Variants in LAPTM4B observed in about 807,000 individuals in gnomAD.
LAPTM4B encodes lysosomal protein transmembrane 4 beta.
LAPTM4B carries 26 observed loss-of-function variants against 28.5 expected under a neutral mutation model. The ratio of observed to expected loss-of-function variants is 0.91; its 90% CI spans 0.67 to 1.27. LAPTM4B has a LOEUF of 1.27. Ranked by LOEUF, LAPTM4B falls within the 50% of genes most tolerant of loss-of-function variation. The pLI is 0.00. For missense variants in LAPTM4B, 288 were observed against 285.8 expected, an observed-to-expected ratio of 1.01 and a Z score of -0.06; for synonymous variants, 109 against 106.4, an observed-to-expected ratio of 1.02 and a Z score of -0.15.
At chr8:97,803,845 G>C (rs191360929) in intron 1 of LAPTM4B, among the ~76,000 whole-genome samples, 1 of 152,072 alleles carries the variant, frequency 6.6e-6, no homozygotes, top group Admixed American at 6.5e-5. Context: ...GTCTCACTGT[G>C]TTGCCCAGGC....
intron 6 of LAPTM4B, among the ~76,000 whole-genome samples, chr8:97,833,754 G>A (rs1457108178): frequency 6.6e-6 from 1 of 152,074 alleles, no homozygotes. Context: ...ATAATGTCTG[G>A]TTAACCATCT....
intron 6 of LAPTM4B, among the ~76,000 whole-genome samples, chr8:97,829,542 A>T (rs559738977): frequency 6.6e-6 from 1 of 152,070 alleles, no homozygotes; most frequent in African/African-American, 2.4e-5. Context: ...GGGAGCAGCA[A>T]TGGGGATAGT....
At chr8:97,830,275 C>T (rs187634720) in intron 6 of LAPTM4B, among the ~76,000 whole-genome samples, 3 of 151,982 alleles carry the variant, frequency 2.0e-5, no homozygotes, top group African/African-American at 7.2e-5. Context: ...GGGAGTGAGA[C>T]CCAAAGTGAG....
At chr8:97,788,378 G>A in intron 1 of LAPTM4B, 2 of 308,766 alleles carry the variant, frequency 6.5e-6, no homozygotes. Context: ...GCGGAGTCAG[G>A]CACACACCAC....
intron 6 of LAPTM4B, among the ~76,000 whole-genome samples, chr8:97,843,978 G>C (rs1446538417): frequency 6.6e-6 from 1 of 151,194 alleles, no homozygotes; most frequent in Admixed American, 6.6e-5. Context: ...TTCCCTTTTT[G>C]TCTATCTGTG....
At position 97,852,905 on chromosome 8, in the gene LAPTM4B, G is replaced by T. The variant is rs145114838; in HGVS notation, c.*1431G>T. ...TGAAATAACAATTTCTAGAAATGAA[G>T]AACAATCCGTGGAGAATAAATTACC... is the stretch of plus-strand genomic sequence containing the variant. On this transcript the variant is annotated 3_prime_UTR_variant, in exon 7 of 7. Transcript: ENST00000521545. 2.4e-6 allele frequency: 1 copy of T among 420,442 alleles called. No homozygotes were observed. The highest frequency in any genetic ancestry group is 4.2e-6 in the Non-Finnish European group (1 of 236,048). The allele number at this position is 420,442 out of a possible 1,614,324, so 26.0% of individuals were successfully genotyped here.
chr8:97,802,323 A>T (rs2331585), intron 1 of LAPTM4B, among the ~76,000 whole-genome samples: 67,514 of 151,976 alleles, frequency 0.44, 15,481 homozygotes, highest in East Asian at 0.57. Flanking sequence ...TTTCCAGGAA[A>T]GGGGTGGGCA....
At chr8:97,834,995 A>G (rs1264152011) in intron 6 of LAPTM4B, among the ~76,000 whole-genome samples, 1 of 152,232 alleles carries the variant, frequency 6.6e-6, no homozygotes, top group East Asian at 1.9e-4. Context: ...AATTAAGAAA[A>G]CCAAAGTTAC....
intron 1 of LAPTM4B, among the ~76,000 whole-genome samples, chr8:97,794,171 G>A (rs930110653): frequency 6.6e-6 from 1 of 152,102 alleles, no homozygotes; most frequent in African/African-American, 2.4e-5. Context: ...GTAGAGATGA[G>A]GTTTCACCAT....
chr8:97,805,708 C>T (rs1357184599), intron 2 of LAPTM4B, among the ~76,000 whole-genome samples: 1 of 152,134 alleles, frequency 6.6e-6, no homozygotes, highest in Non-Finnish European at 1.5e-5. Context: ...AGACTTTCTA[C>T]CCTGGGCCTT....
intron 1 of LAPTM4B, among the ~76,000 whole-genome samples, chr8:97,776,596 G>T (rs1242294569): frequency 6.6e-6 from 1 of 152,206 alleles, no homozygotes; most frequent in Non-Finnish European, 1.5e-5. Context: ...CCCTGGCCGC[G>T]TCTCCGCTAG....
intron 1 of LAPTM4B, among the ~76,000 whole-genome samples, chr8:97,798,978 A>T (rs1186264933): frequency 6.6e-6 from 1 of 152,186 alleles, no homozygotes; most frequent in Non-Finnish European, 1.5e-5. Context: ...TAATGACAAG[A>T]TACATCCTGT....
chr8:97,825,305 A>G (rs574537039), intron 6 of LAPTM4B, 152 bp downstream of exon 6: 64 of 498,346 alleles, frequency 1.3e-4, no homozygotes, highest in Non-Finnish European at 2.1e-4. Flanking sequence ...AGTTATCAAA[A>G]TACTCATTTA....
chr8:97,818,514 T>C (rs559912576), intron 4 of LAPTM4B, among the ~76,000 whole-genome samples: 2 of 152,194 alleles, frequency 1.3e-5, no homozygotes, highest in Non-Finnish European at 2.9e-5. Flanking sequence ...CCTGAAAAGG[T>C]TCCCTTTGAC....
At chr8:97,827,323 G>C (rs1390582543) in intron 6 of LAPTM4B, among the ~76,000 whole-genome samples, 1 of 152,182 alleles carries the variant, frequency 6.6e-6, no homozygotes, top group Non-Finnish European at 1.5e-5. Context: ...CGTACCCTGA[G>C]GGAAGGAATG....
At position 97,776,008 on chromosome 8, in the gene LAPTM4B, C is replaced by T. The variant is rs773056588; in HGVS notation, c.-2C>T. The stretch of plus-strand genomic sequence containing the variant: ...CGCGCTCGCGCCACTGCGCCCGGAG[C>T]GATGAAGATGGTCGCGCCCTGGACG... On this transcript the variant is annotated 5_prime_UTR_variant, in exon 1 of 7. Coordinates refer to ENST00000521545, the MANE Select transcript of LAPTM4B (RefSeq NM_018407.6). The T allele has an allele frequency of 3.8e-6, 6 of 1,573,474 alleles. No homozygotes were observed. In the African/African-American group the frequency reaches 5.6e-5, roughly 15 times the overall value.
intron 6 of LAPTM4B, among the ~76,000 whole-genome samples, chr8:97,848,247 G>A (rs1817461859): frequency 6.6e-6 from 1 of 152,176 alleles, no homozygotes; most frequent in African/African-American, 2.4e-5. Context: ...GGGTGACAGA[G>A]CAAGACTCTC....
chr8:97,789,653 G>A (rs1816468301), intron 1 of LAPTM4B, among the ~76,000 whole-genome samples: 2 of 151,664 alleles, frequency 1.3e-5, no homozygotes, highest in Admixed American at 1.3e-4. Context: ...GAGTAGCTGG[G>A]ATTACAGGCA....
At chr8:97,818,759 T>C (rs1816960224) in intron 4 of LAPTM4B, among the ~76,000 whole-genome samples, 1 of 151,386 alleles carries the variant, frequency 6.6e-6, no homozygotes, top group African/African-American at 2.4e-5. Context: ...TGGAGTGCAG[T>C]GGCATGATCT....
Sources: allele counts gnomAD v4.1 joint callset (sites outside exome capture counted in the v4.1 genomes callset), GRCh38; gene constraint gnomAD v4.1.1; transcripts MANE v1.5; gene names NCBI Gene and HGNC (gene_info 2026-07-23, HGNC 2026-07-21).